Variants in KRT8 observed in about 807,000 individuals in gnomAD.
KRT8 encodes the protein keratin 8.
A neutral mutation model predicts 43.0 loss-of-function variants in KRT8; 24 were observed. The observed-to-expected ratio is 0.56, with a 90% CI of 0.40 to 0.78. The LOEUF (loss-of-function observed/expected upper bound fraction) is 0.78, where lower values mean the gene tolerates loss of function less well. Among genes scored for constraint, KRT8 ranks in the 30% least tolerant of loss-of-function variants. The pLI is 0.00. For missense variants in KRT8, 492 were observed against 638.4 expected (o/e 0.77, Z 2.47); for synonymous variants, 214 against 261.2 (o/e 0.82, Z 1.74).
chr12:52,900,933 T>A (rs1183995100), intron 3 of KRT8: 1 of 635,936 alleles, frequency 1.6e-6, no homozygotes, highest in African/African-American at 1.8e-5. Context: ...TCTCCAGTTC[T>A]ACTGCTCTGT....
chr12:52,907,811 C>G (rs1174457057), upstream of KRT8, among the ~76,000 whole-genome samples: 1 of 152,218 alleles, frequency 6.6e-6, no homozygotes. Context: ...TCTGATGGCC[C>G]CTGCCTGGGA....
chr12:52,946,163 T>C (rs1374740596), intron 2 of KRT8, among the ~76,000 whole-genome samples: 1 of 152,130 alleles, frequency 6.6e-6, no homozygotes, highest in African/African-American at 2.4e-5. Context: ...AGAAGTTTCC[T>C]AGCAGTTGGG....
At chr12:52,907,319 G>C (rs1430615193), upstream of KRT8, among the ~76,000 whole-genome samples, 2 of 152,178 alleles carry the variant, frequency 1.3e-5, no homozygotes, top group Non-Finnish European at 2.9e-5. Context: ...GCCAAACCTG[G>C]GACAGGGAAG....
intron 1 of KRT8, among the ~76,000 whole-genome samples, chr12:52,904,038 G>A (rs1201925176): frequency 1.3e-5 from 2 of 151,886 alleles, no homozygotes; most frequent in East Asian, 1.9e-4. Context: ...AGGCCTCCGG[G>A]CGCCAAAGGC....
intron 2 of KRT8, among the ~76,000 whole-genome samples, chr12:52,943,635 G>T (rs1037291500): frequency 3.3e-5 from 5 of 152,332 alleles, no homozygotes; most frequent in African/African-American, 9.6e-5. Context: ...GCCGTGCAGG[G>T]TGTTCAGTGT....
rs267607663 is a variant in KRT8, at chr12:52,897,390, C to G, written c.*38G>C. On this transcript the variant is annotated 3_prime_UTR_variant, in exon 8 of 8. Transcript: ENST00000692008. ...GCCTCCTTCCCAGGCTCTGGGGCAG[C>G]GCAGGAGGGGTAGGCTGGGAGGGGC... 3.2e-6 allele frequency: 5 copies of G among 1,560,400 alleles called. No homozygotes were observed. The East Asian group carries it at 1.1e-4, about 35-fold the overall frequency.
chr12:52,901,593 C>T, intron 2 of KRT8: 3 of 576,338 alleles, frequency 5.2e-6, no homozygotes, highest in Non-Finnish European at 9.3e-6. Flanking sequence ...CCTATCTCTC[C>T]CGTCTCAGGT....
chr12:52,949,151 T>C (rs763632933), intron 2 of KRT8: 5 of 1,608,910 alleles, frequency 3.1e-6, no homozygotes, highest in East Asian at 2.2e-5. Context: ...CTGAGTCCTG[T>C]CCTTTCTCTC....
chr12:52,919,109 C>G (rs1377762722), intron 2 of KRT8, among the ~76,000 whole-genome samples: 4 of 152,074 alleles, frequency 2.6e-5, no homozygotes, highest in African/African-American at 9.7e-5. Flanking sequence ...CTTGCAAATC[C>G]AATTCCTAGG....
At chr12:52,938,033 G>T (rs565027080) in intron 2 of KRT8, among the ~76,000 whole-genome samples, 113 of 145,360 alleles carry the variant, frequency 7.8e-4, no homozygotes, top group African/African-American at 2.7e-3. Context: ...AAAATAAAGA[G>T]ATACAGATGG....
At chr12:52,940,750 T>G (rs910448099) in intron 2 of KRT8, among the ~76,000 whole-genome samples, 1 of 149,108 alleles carries the variant, frequency 6.7e-6, no homozygotes, top group Non-Finnish European at 1.5e-5. Context: ...CTCAGCCTCC[T>G]GAGTAGCTGG....
chr12:52,934,990 A>G (rs544140118), intron 2 of KRT8, among the ~76,000 whole-genome samples: 11 of 151,850 alleles, frequency 7.2e-5, no homozygotes, highest in African/African-American at 2.7e-4. Context: ...GGATAGATAC[A>G]TCTATGGAAC....
intron 2 of KRT8, chr12:52,926,308 A>T (rs1449282151): frequency 2.0e-6 from 2 of 1,006,742 alleles, no homozygotes; most frequent in African/African-American, 3.2e-5. Flanking sequence ...GCTGAGGCTT[A>T]GCCTTCCCCA....
chr12:52,912,047 A>T (rs1249032762), upstream of KRT8, among the ~76,000 whole-genome samples: 2 of 152,208 alleles, frequency 1.3e-5, no homozygotes, highest in African/African-American at 4.8e-5. Context: ...AAAAGGAAAG[A>T]AAAGTATTTG....
At chr12:52,922,184 TAAAAAAAAAAAAAA>T (rs57023136) in intron 2 of KRT8, among the ~76,000 whole-genome samples, 72 of 38,726 alleles carry the variant, frequency 1.9e-3, no homozygotes, top group East Asian at 3.0e-3. Flanking sequence ...ACCCTGTCTC[TAAAAAAAAAAAAAA>T]AAAAAAAAAA....
At chr12:52,939,723 C>CA (rs1266388748) in intron 2 of KRT8, among the ~76,000 whole-genome samples, 2,472 of 136,092 alleles carry the variant, frequency 0.018, 23 homozygotes, top group South Asian at 0.029. Flanking sequence ...GACTCCCTCT[C>CA]AAAAAAAAAA....
exon 1 of KRT8, chr12:52,949,791 G>T: frequency 1.4e-6 from 1 of 712,184 alleles, no homozygotes; most frequent in South Asian, 1.5e-5. Context: ...TTTCCCAGGA[G>T]AGAGGGGGAA....
chr12:52,901,197 G>A (rs761376065), exon 3 of KRT8: 1 of 1,611,460 alleles, frequency 6.2e-7, no homozygotes, highest in East Asian at 2.2e-5. Flanking sequence ...ATCTCTGTAC[G>A]CTTATTGATC....
intron 2 of KRT8, among the ~76,000 whole-genome samples, chr12:52,931,483 A>G (rs1942082697): frequency 6.6e-6 from 1 of 152,098 alleles, no homozygotes. Context: ...CTGGGATGAT[A>G]TTGGGCACCT....
Sources: allele counts gnomAD v4.1 joint callset (sites outside exome capture counted in the v4.1 genomes callset), GRCh38; gene constraint gnomAD v4.1.1; transcripts MANE v1.5; gene names NCBI Gene and HGNC (gene_info 2026-07-23, HGNC 2026-07-21).